The following PHF24 variants were observed in gnomAD, a reference collection of about 807,000 sequenced individuals.
PHF24 encodes the protein Galpha inhibitory interacting protein.
Under a neutral mutation model 42.6 loss-of-function variants are expected in PHF24, and 25 were observed. That is an observed-to-expected ratio of 0.59 (90% confidence interval 0.43 to 0.82). The LOEUF is 0.82. Ranked by LOEUF, PHF24 falls within the 40% of genes least tolerant of loss-of-function variation. PHF24 has a pLI of 0.00. For synonymous variants in PHF24, 185 were observed against 204.8 expected, an observed-to-expected ratio of 0.90 and a Z score of 0.83; for missense variants, 470 against 538.1, an observed-to-expected ratio of 0.87 and a Z score of 1.25.
chr9:34,845,879 T>C, the PHF24 span, among the ~76,000 whole-genome samples: 12 of 151,878 alleles, frequency 7.9e-5, no homozygotes, highest in Non-Finnish European at 1.5e-5. Context: ...GATAGTTTAC[T>C]GAGAATGATG....
chr9:34,760,690 C>T, the PHF24 span, among the ~76,000 whole-genome samples: 1 of 152,190 alleles, frequency 6.6e-6, no homozygotes, highest in African/African-American at 2.4e-5. Context: ...TGCGACGTCT[C>T]GGCCCCGCCA....
At chr9:34,737,789 G>T in the PHF24 span, among the ~76,000 whole-genome samples, 3 of 152,026 alleles carry the variant, frequency 2.0e-5, no homozygotes, top group Non-Finnish European at 1.5e-5. Flanking sequence ...AAATTGACAC[G>T]ATATTTATAG....
chr9:34,780,334 T>C, the PHF24 span, among the ~76,000 whole-genome samples: 6,704 of 140,952 alleles, frequency 0.048, 625 homozygotes, highest in African/African-American at 0.17. Flanking sequence ...TCTTACTCTG[T>C]TGCCCAGGCT....
At chr9:34,929,797 GAA>G in the PHF24 span, among the ~76,000 whole-genome samples, 1 of 152,180 alleles carries the variant, frequency 6.6e-6, no homozygotes, top group East Asian at 1.9e-4. Context: ...GAGAAGAGTT[GAA>G]GAGAGATCAC....
the PHF24 span, among the ~76,000 whole-genome samples, chr9:34,886,773 T>TGTCTGTCTGTCC: frequency 4.2e-4 from 63 of 151,496 alleles, no homozygotes; most frequent in Non-Finnish European, 8.7e-4. Flanking sequence ...TCTGTCTGTC[T>TGTCTGTCTGTCC]GTCTGTCTAC....
the PHF24 span, among the ~76,000 whole-genome samples, chr9:34,762,589 G>A: frequency 6.9e-6 from 1 of 145,862 alleles, no homozygotes; most frequent in African/African-American, 2.6e-5. Flanking sequence ...TGTAGATTCT[G>A]GATATTAGCC....
At chr9:34,845,912 C>T in the PHF24 span, among the ~76,000 whole-genome samples, 1 of 152,088 alleles carries the variant, frequency 6.6e-6, no homozygotes, top group African/African-American at 2.4e-5. Context: ...ATCCATGTCC[C>T]TGCAAAGGAC....
At chr9:34,911,109 C>G in the PHF24 span, among the ~76,000 whole-genome samples, 1 of 152,134 alleles carries the variant, frequency 6.6e-6, no homozygotes, top group Non-Finnish European at 1.5e-5. Context: ...CAGGCATGAG[C>G]CACCATGCCC....
the PHF24 span, among the ~76,000 whole-genome samples, chr9:34,761,683 G>C: frequency 6.6e-6 from 1 of 152,010 alleles, no homozygotes; most frequent in Non-Finnish European, 1.5e-5. Context: ...CTTTTGTGCT[G>C]TTTGATTTTT....
chr9:34,903,217 A>C, the PHF24 span, among the ~76,000 whole-genome samples: 1 of 152,228 alleles, frequency 6.6e-6, no homozygotes, highest in Non-Finnish European at 1.5e-5. Flanking sequence ...AGAGGATATA[A>C]ATACTCAGAA....
the PHF24 span, among the ~76,000 whole-genome samples, chr9:34,780,554 G>T: frequency 6.6e-6 from 1 of 151,478 alleles, no homozygotes. Context: ...CAAAGTGTTG[G>T]GATTATAAGC....
the PHF24 span, chr9:34,889,556 A>C: frequency 2.5e-6 from 1 of 398,544 alleles, no homozygotes; most frequent in Admixed American, 4.4e-5. Context: ...TGGATTCCTC[A>C]TGCCTTCGAT....
At chr9:34,714,614 A>C in the PHF24 span, among the ~76,000 whole-genome samples, 1 of 152,200 alleles carries the variant, frequency 6.6e-6, no homozygotes, top group African/African-American at 2.4e-5. Flanking sequence ...TGGGAGAGCC[A>C]CTTGGGCCTA....
the PHF24 span, chr9:34,833,303 C>T: frequency 6.4e-7 from 1 of 1,551,450 alleles, no homozygotes; most frequent in Non-Finnish European, 8.7e-7. Context: ...TGTCATGTCC[C>T]CACTGGGTTG....
chr9:34,846,658 A>G, the PHF24 span, among the ~76,000 whole-genome samples: 1 of 152,084 alleles, frequency 6.6e-6, no homozygotes, highest in African/African-American at 2.4e-5. Context: ...GATGTTTTAG[A>G]CATGAAGTCC....
chr9:34,890,441 A>T, the PHF24 span, among the ~76,000 whole-genome samples: 1 of 152,214 alleles, frequency 6.6e-6, no homozygotes, highest in Non-Finnish European at 1.5e-5. Context: ...AACACAAAGT[A>T]CCTGGGCCTC....
chr9:34,725,716 C>T, the PHF24 span: 5 of 1,545,542 alleles, frequency 3.2e-6, no homozygotes, highest in Admixed American at 2.0e-5. Context: ...GGACATTGAT[C>T]TGAGCTCGTT....
At chr9:34,967,881 C>G (rs1826834362) in intron 1 of PHF24, among the ~76,000 whole-genome samples, 1 of 152,212 alleles carries the variant, frequency 6.6e-6, no homozygotes, top group African/African-American at 2.4e-5. Flanking sequence ...ATGCTTCAGA[C>G]TATATGTTCC....
chr9:34,696,102 A>C, the PHF24 span, among the ~76,000 whole-genome samples: 1 of 152,226 alleles, frequency 6.6e-6, no homozygotes, highest in Non-Finnish European at 1.5e-5. Flanking sequence ...TGATGATTGC[A>C]AATGGTGATT....
Sources: allele counts gnomAD v4.1 joint callset (sites outside exome capture counted in the v4.1 genomes callset), GRCh38; gene constraint gnomAD v4.1.1; transcripts MANE v1.5; gene names NCBI Gene and HGNC (gene_info 2026-07-23, HGNC 2026-07-21).